Variants in SEZ6 observed in about 807,000 individuals in gnomAD.
SEZ6 encodes the protein seizure protein 6 homolog.
A neutral mutation model predicts 101.0 loss-of-function variants in SEZ6; 53 were observed. The observed-to-expected ratio is 0.52, with a 90% CI of 0.42 to 0.66. The LOEUF (loss-of-function observed/expected upper bound fraction) is 0.66, where lower values mean the gene tolerates loss of function less well. SEZ6 is among the 30% of genes least tolerant of loss of function. The pLI is 0.00. For missense variants in SEZ6, 1,102 were observed against 1,289.4 expected (o/e 0.85, Z 2.23); for synonymous variants, 488 against 512.2 (o/e 0.95, Z 0.64).
intron 3 of SEZ6, among the ~76,000 whole-genome samples, chr17:28,972,737 A>G (rs1207537705): frequency 1.3e-5 from 2 of 152,208 alleles, no homozygotes; most frequent in African/African-American, 4.8e-5. Flanking sequence ...CACACGTGGA[A>G]TCTGTAATTA....
rs1287508554 is a variant in SEZ6, at chr17:28,958,112, G to T, written c.2137C>A (p.Leu713Met). 6.2e-7 allele frequency: 1 copy of T among 1,602,314 alleles called. No individual in the cohort carries two copies. The highest frequency in any genetic ancestry group is 1.3e-5 in the African/African-American group (1 of 74,760). ...EVPRNDTCPE[L>M]PEIPNGWKSP... is the part of the protein sequence containing the mutation. Reference sequence around the variant, plus strand: ...TTCCAGCCATTGGGGATCTCAGGCAGCTCCGGACATGTGTCATTGCGGGGC... The same window carrying T: ...TTCCAGCCATTGGGGATCTCAGGCATCTCCGGACATGTGTCATTGCGGGGC... Residue 713 changes from leucine (L) to methionine (M), a missense_variant, in exon 11 of 17, where the codon CTG (leucine) becomes ATG (methionine). Physicochemically the swap from Leu to Met is conservative, Grantham distance 15 (BLOSUM62 2). Coordinates refer to ENST00000317338, the MANE Select transcript of SEZ6 (RefSeq NM_178860.5).
intron 3 of SEZ6, among the ~76,000 whole-genome samples, chr17:28,974,706 C>T (rs1303349238): frequency 6.6e-6 from 1 of 152,214 alleles, no homozygotes; most frequent in Non-Finnish European, 1.5e-5. Flanking sequence ...GTGTGCCTGG[C>T]AACCCCAGGC....
chr17:29,004,572 A>C (rs914628736), intron 1 of SEZ6, among the ~76,000 whole-genome samples: 2 of 152,216 alleles, frequency 1.3e-5, no homozygotes, highest in African/African-American at 4.8e-5. Context: ...TCCTGGATGA[A>C]GAAAACTGCC....
In SEZ6 at chr17:28,956,150, G is replaced by T. The variant is rs778346092; in HGVS notation, c.2952+9C>A. The T allele has an allele frequency of 6.3e-6, 10 of 1,594,286 alleles. No homozygotes were observed. Among genetic ancestry groups the T allele is most frequent in the Non-Finnish European group, 8.5e-6 (10 of 1,170,874 alleles). On this transcript the variant is annotated intron_variant, in intron 16 of 16. Transcript: ENST00000317338. The stretch of plus-strand genomic sequence containing the variant: ...TGGATAGGGTGGCAAGGCTGGCATG[G>T]TTACTTACTCCAGTCTCGTAAGTTG...
chr17:29,000,460 G>C (rs935064423), intron 1 of SEZ6, among the ~76,000 whole-genome samples: 2 of 152,212 alleles, frequency 1.3e-5, no homozygotes, highest in East Asian at 1.9e-4. Flanking sequence ...GGCCCCTGAG[G>C]ATTCTGGGCC....
At position 28,960,553 on chromosome 17, in the gene SEZ6, T is replaced by C. The variant is rs1303905878; in HGVS notation, c.1528A>G (p.Ser510Gly). ...GCAGCTGCCCCGCTGCTGTCAGTAC[T>C]GAGCTCAACAAAGAAGTGTTTGCCA... ...SSGKHFFVELSTDSSGAAAGM... is the reference protein window; with the variant it reads ...SSGKHFFVELGTDSSGAAAGM... Residue 510 changes from serine to glycine, a missense_variant, in exon 7 of 17, where the codon AGT becomes GGT. Ser to Gly is a moderately conservative substitution (Grantham distance 56). Transcript: ENST00000317338. 1.9e-6 allele frequency: 3 copies of C among 1,593,878 alleles called. No individual in the cohort carries two copies. Among genetic ancestry groups the C allele is most frequent in the Non-Finnish European group, 1.7e-6 (2 of 1,170,608 alleles).
chr17:28,955,960 C>T lies in SEZ6; in HGVS notation c.*2G>A, dbSNP rs202220278. 1.2e-6 allele frequency: 2 copies of T among 1,612,274 alleles called. No individual in the cohort carries two copies. Among genetic ancestry groups the T allele is most frequent in the African/African-American group, 2.7e-5 (2 of 74,978 alleles). On this transcript the variant is annotated 3_prime_UTR_variant, in exon 17 of 17. Coordinates refer to ENST00000317338, the MANE Select transcript of SEZ6 (RefSeq NM_178860.5). ...TAGACTGCCCCCACCTAGATGGAGA[C>T]TTCATATTCTCTCGTCTCCTGCAAA...
chr17:29,000,127 G>A (rs2041595079), intron 1 of SEZ6, among the ~76,000 whole-genome samples: 1 of 152,208 alleles, frequency 6.6e-6, no homozygotes, highest in Admixed American at 6.5e-5. Context: ...ACAGCGCCTG[G>A]CACATAGTTG....
At position 28,956,244 on chromosome 17, in the gene SEZ6, G is replaced by T; in HGVS notation, c.2867C>A (p.Ser956Tyr). Reference protein sequence around the residue: ...FYFSRLQGKSSLQLPRPRPRP... With the variant: ...FYFSRLQGKSYLQLPRPRPRP... ...GGGGCGGGGGCGGGGCAGCTGCAGG[G>T]AGCTTTTTCCCTGGAGCCTGTGGGG... The change falls in exon 16 of 17, where the codon TCC becomes TAC. Residue 956 changes from serine (S) to tyrosine (Y), a missense_variant. By Grantham distance (144) the Ser-to-Tyr change is moderately radical. Around this residue, in one of 3 missense-constraint regions of SEZ6, gnomAD observed 140 missense variants for 135.7 expected, o/e 1.03. Transcript: ENST00000317338. 1 of 1,599,608 alleles carries T rather than the reference G, an allele frequency of 6.3e-7. No homozygotes were observed. Among genetic ancestry groups the T allele is most frequent in the South Asian group, 1.1e-5 (1 of 88,820 alleles).
At chr17:28,960,415 G>A in intron 7 of SEZ6, 90 bp downstream of exon 7, 1 of 1,489,538 alleles carries the variant, frequency 6.7e-7, no homozygotes, top group Non-Finnish European at 9.1e-7. Context: ...CAGCATGGAG[G>A]CAGAGAGGGG....
chr17:28,963,886 A>G (rs925530127), intron 5 of SEZ6, 76 bp downstream of exon 5: 92 of 1,515,964 alleles, frequency 6.1e-5, no homozygotes, highest in Non-Finnish European at 7.9e-5. Context: ...AAAGTGGCAG[A>G]GAGCAACAGA....
chr17:28,993,699 G>A (rs1429544615), intron 1 of SEZ6, among the ~76,000 whole-genome samples: 1 of 152,148 alleles, frequency 6.6e-6, no homozygotes, highest in Admixed American at 6.5e-5. Context: ...CCTAGCCATG[G>A]AGCCCAGCAA....
At position 29,005,007 on chromosome 17, in the gene SEZ6, C is replaced by A. The variant is rs1753170473; in HGVS notation, c.55+808G>T. The stretch of plus-strand genomic sequence containing the variant: ...AACAGGTCCTCCAGAGACAAATCTG[C>A]CTTGCAGGTGGGGAGTGGACCAGGG... On this transcript the variant is annotated intron_variant, in intron 1 of 16. Transcript: ENST00000317338. The surrounding 1 kb of genome is among the most constrained non-coding windows in gnomAD (Gnocchi z 4.8). Among the ~76,000 whole-genome samples, 1 of 151,852 alleles carries A rather than the reference C, an allele frequency of 6.6e-6. No individual in the cohort carries two copies. The highest frequency in any genetic ancestry group is 6.6e-5 in the Admixed American group (1 of 15,258).
chr17:29,003,703 G>A (rs1041672315), intron 1 of SEZ6, among the ~76,000 whole-genome samples: 2 of 152,210 alleles, frequency 1.3e-5, no homozygotes, highest in Non-Finnish European at 2.9e-5. Context: ...CGAGGAGAGA[G>A]GAGCCTCTGG....
intron 11 of SEZ6, 98 bp from the exon 12 acceptor site, chr17:28,957,637 C>T (rs910119051): frequency 2.0e-5 from 26 of 1,314,662 alleles, no homozygotes; most frequent in African/African-American, 7.3e-5. Flanking sequence ...TTCTTCATGT[C>T]GTATGGGTCT....
chr17:28,995,860 TGCTGGGGAGTGCAAGGACAGTACTG>T (rs1158333541), intron 1 of SEZ6, among the ~76,000 whole-genome samples: 3 of 152,094 alleles, frequency 2.0e-5, no homozygotes, highest in Non-Finnish European at 4.4e-5. Context: ...CCTGAAGCCC[TGCTGGGGAGTGCAAGGACAGTACTG>T]GAGGTCCCTG....
intron 11 of SEZ6, 44 bp downstream of exon 11, chr17:28,957,903 G>C (rs1314524941): frequency 1.9e-6 from 3 of 1,585,594 alleles, no homozygotes; most frequent in Non-Finnish European, 2.6e-6. Flanking sequence ...GAGAGGTTTG[G>C]AGTTTGTGTT....
intron 3 of SEZ6, among the ~76,000 whole-genome samples, chr17:28,971,240 C>G (rs934113482): frequency 2.0e-5 from 3 of 152,152 alleles, no homozygotes; most frequent in African/African-American, 7.2e-5. Flanking sequence ...GAGTTCTTTG[C>G]TACTTAAAAT....
In SEZ6 at chr17:28,957,431, A is replaced by C. The variant is rs2040900571; in HGVS notation, c.2411T>G (p.Val804Gly). Reference sequence around the variant, plus strand: ...GGTGAGGATGGAGCTGCCCATCAGCACAAAACCCTGGTCACAGATATATTG... The same window carrying C: ...GGTGAGGATGGAGCTGCCCATCAGCCCAAAACCCTGGTCACAGATATATTG... ...TVQYICDQGF[V>G]LMGSSILTCH... The change falls in exon 12 of 17, where the codon GTG (valine) becomes GGG (glycine). Residue 804 changes from valine (V) to glycine (G), a missense_variant. Val to Gly is a moderately radical substitution (Grantham distance 109). Coordinates refer to ENST00000317338, the MANE Select transcript of SEZ6 (RefSeq NM_178860.5). The C allele has an allele frequency of 1.9e-6, 3 of 1,613,782 alleles. No individual in the cohort carries two copies. The highest frequency in any genetic ancestry group is 2.5e-6 in the Non-Finnish European group (3 of 1,179,720).
Sources: allele counts gnomAD v4.1 joint callset (sites outside exome capture counted in the v4.1 genomes callset), GRCh38; gene constraint gnomAD v4.1.1; regional missense constraint gnomAD v4.1.1; non-coding constraint Gnocchi (gnomAD v3.1); transcripts MANE v1.5; gene names NCBI Gene and HGNC (gene_info 2026-07-23, HGNC 2026-07-21).